The following TNFSF15 variants were observed in gnomAD, a reference collection of about 807,000 sequenced individuals.
TNFSF15 encodes the protein TNF superfamily member 15, also known as tumor necrosis factor ligand superfamily member 15.
A neutral mutation model predicts 26.4 loss-of-function variants in TNFSF15; 15 were observed. The observed-to-expected ratio is 0.57, with a 90% CI of 0.38 to 0.87. TNFSF15 has a LOEUF of 0.87. TNFSF15 is among the 40% of genes least tolerant of loss of function. TNFSF15 has a pLI of 0.00. For missense variants in TNFSF15, 290 were observed against 306.1 expected (o/e 0.95, Z 0.39); for synonymous variants, 116 against 115.0 (o/e 1.01, Z -0.06).
chr9:114,803,733 G>A (rs1242408613), intron 1 of TNFSF15, among the ~76,000 whole-genome samples: 1 of 152,226 alleles, frequency 6.6e-6, no homozygotes, highest in African/African-American at 2.4e-5. Context: ...TGCTCTTGCT[G>A]CTGTTTTGGC....
In TNFSF15 at chr9:114,796,188, C is replaced by T. The variant is rs74748793; in HGVS notation, c.211-2620G>A. Among the ~76,000 whole-genome samples, 40 of 152,318 alleles carry T rather than the reference C, an allele frequency of 2.6e-4. No homozygotes were observed. In the East Asian group the frequency reaches 7.5e-3, roughly 29 times the overall value. ...TTTCTCATGGTGTTTCAATTCCAGGCCTTGGCATGCTGCTCTCCTGGATTC... is the reference window on the plus strand; with the variant it reads ...TTTCTCATGGTGTTTCAATTCCAGGTCTTGGCATGCTGCTCTCCTGGATTC... On this transcript the variant is annotated intron_variant, in intron 1 of 3. Coordinates refer to ENST00000374045, the MANE Select transcript of TNFSF15 (RefSeq NM_005118.4).
At chr9:114,795,481 A>G (rs1829662428) in intron 1 of TNFSF15, among the ~76,000 whole-genome samples, 1 of 152,228 alleles carries the variant, frequency 6.6e-6, no homozygotes, top group Non-Finnish European at 1.5e-5. Flanking sequence ...CATAGCAACA[A>G]TTTACACTGT....
Position 114,787,960 on chromosome 9 carries a change from G to A in TNFSF15, c.*2492C>T, listed in dbSNP as rs1829532967. The A allele has an allele frequency of 1.3e-5, 2 of 153,614 alleles. No individual in the cohort carries two copies. Among genetic ancestry groups the A allele is most frequent in the Admixed American group, 6.5e-5 (1 of 15,270 alleles). The allele number at this position is 153,614 out of a possible 1,614,324, so 9.5% of individuals were successfully genotyped here. ...TCCACCAGATCACCTACAGAACAGTGGGCAGGTTTGAGCAGGCCACTCTTC... is the reference window on the plus strand; with the variant it reads ...TCCACCAGATCACCTACAGAACAGTAGGCAGGTTTGAGCAGGCCACTCTTC... On this transcript the variant is annotated 3_prime_UTR_variant, in exon 4 of 4. Transcript: ENST00000374045.
chr9:114,796,085 T>C (rs1829669635), intron 1 of TNFSF15, among the ~76,000 whole-genome samples: 1 of 152,220 alleles, frequency 6.6e-6, no homozygotes, highest in South Asian at 2.1e-4. Context: ...CATTACTGCT[T>C]TCTCTCGATT....
chr9:114,800,823 G>A (rs907501028), intron 1 of TNFSF15, among the ~76,000 whole-genome samples: 3 of 152,156 alleles, frequency 2.0e-5, no homozygotes, highest in Admixed American at 6.5e-5. Flanking sequence ...TTAAGAGGTC[G>A]CAGCTGTGAT....
At chr9:114,792,642 G>C (rs1829622210) in intron 2 of TNFSF15, 188 bp from the exon 3 acceptor site, 2 of 1,350,164 alleles carry the variant, frequency 1.5e-6, no homozygotes, top group South Asian at 1.5e-5. Flanking sequence ...CCAAGGACAG[G>C]GTGACTCAGA....
chr9:114,794,882 G>A (rs1377623706), intron 1 of TNFSF15, among the ~76,000 whole-genome samples: 1 of 152,176 alleles, frequency 6.6e-6, no homozygotes, highest in Non-Finnish European at 1.5e-5. Context: ...AAAGGTGTGT[G>A]AGTGGGAGAG....
At chr9:114,804,269 A>C (rs922394770) in intron 1 of TNFSF15, among the ~76,000 whole-genome samples, 2 of 152,252 alleles carry the variant, frequency 1.3e-5, no homozygotes, top group Non-Finnish European at 2.9e-5. Flanking sequence ...TGAGTAAAAA[A>C]GACCCCGTGC....
chr9:114,800,882 A>G (rs1829737871), intron 1 of TNFSF15, among the ~76,000 whole-genome samples: 1 of 152,204 alleles, frequency 6.6e-6, no homozygotes, highest in African/African-American at 2.4e-5. Flanking sequence ...CTGAAGCCCA[A>G]GCCATCACTA....
intron 1 of TNFSF15, among the ~76,000 whole-genome samples, chr9:114,805,302 T>C (rs1358220080): frequency 6.6e-6 from 1 of 152,192 alleles, no homozygotes; most frequent in African/African-American, 2.4e-5. Flanking sequence ...AATCATAATA[T>C]ATTAGCAGAC....
At chr9:114,800,233 G>T (rs369186721) in intron 1 of TNFSF15, among the ~76,000 whole-genome samples, 2 of 152,104 alleles carry the variant, frequency 1.3e-5, no homozygotes, top group African/African-American at 4.8e-5. Flanking sequence ...TATAGAAAGC[G>T]TATTAATCTC....
Sources: gnomAD v4.1 joint callset for allele counts (sites outside exome capture counted in the v4.1 genomes callset) on GRCh38, gnomAD v4.1.1 for gene constraint, MANE v1.5 for transcripts, NCBI Gene and HGNC (gene_info 2026-07-23, HGNC 2026-07-21) for gene names.